Variants in E2F5 observed in about 807,000 individuals in gnomAD.
The protein encoded by E2F5 is transcription factor E2F5.
A neutral mutation model predicts 39.1 loss-of-function variants in E2F5; 23 were observed. The observed-to-expected ratio is 0.59, with a 90% CI of 0.42 to 0.83. E2F5 has a LOEUF of 0.83. Among genes scored for constraint, E2F5 ranks in the 40% least tolerant of loss-of-function variants. The pLI is 0.00. For missense variants in E2F5, 365 were observed against 406.7 expected, an observed-to-expected ratio of 0.90 and a Z score of 0.88; for synonymous variants, 145 against 157.8, an observed-to-expected ratio of 0.92 and a Z score of 0.61.
chr8:85,212,042 A>T, intron 6 of E2F5, 115 bp from the exon 7 acceptor site: 1 of 764,242 alleles, frequency 1.3e-6, no homozygotes, highest in Non-Finnish European at 2.2e-6. Context: ...ACAAAGTACT[A>T]GTACTTTAAA....
intron 1 of E2F5, among the ~76,000 whole-genome samples, chr8:85,191,126 A>G (rs1330569632): frequency 6.6e-6 from 1 of 150,864 alleles, no homozygotes; most frequent in Non-Finnish European, 1.5e-5. Flanking sequence ...TTCAACCATT[A>G]AAAAAAAAGG....
At chr8:85,208,029 G>A (rs1292286810) in intron 5 of E2F5, among the ~76,000 whole-genome samples, 1 of 152,138 alleles carries the variant, frequency 6.6e-6, no homozygotes, top group Non-Finnish European at 1.5e-5. Context: ...ATAAAAATAA[G>A]TTAAAATGAC....
intron 6 of E2F5, 75 bp from the exon 7 acceptor site, chr8:85,212,082 G>GT (rs758658729): frequency 2.2e-4 from 249 of 1,141,998 alleles, no homozygotes; most frequent in Non-Finnish European, 3.0e-4. Flanking sequence ...AGCTGCTGCT[G>GT]TGACTACTTG....
intron 1 of E2F5, chr8:85,201,909 T>G: frequency 2.0e-6 from 1 of 511,828 alleles, no homozygotes; most frequent in Non-Finnish European, 3.4e-6. Flanking sequence ...TTGCAGGCTT[T>G]GTGTCATGAC....
intron 2 of E2F5, among the ~76,000 whole-genome samples, chr8:85,202,814 C>CTT (rs1360975270): frequency 6.6e-6 from 1 of 152,136 alleles, no homozygotes; most frequent in African/African-American, 2.4e-5. Flanking sequence ...TGAGCACACT[C>CTT]TTTTGGTACC....
chr8:85,190,745 C>G (rs970718370), intron 1 of E2F5, among the ~76,000 whole-genome samples: 1 of 152,004 alleles, frequency 6.6e-6, no homozygotes, highest in Admixed American at 6.6e-5. Flanking sequence ...CTCAAGTGAT[C>G]TGCCCGCCTC....
chr8:85,185,195 C>G (rs577993658), intron 1 of E2F5, among the ~76,000 whole-genome samples: 1 of 152,072 alleles, frequency 6.6e-6, no homozygotes, highest in Non-Finnish European at 1.5e-5. Flanking sequence ...ACAGAGGCCT[C>G]GGAAATAAAC....
intron 4 of E2F5, 79 bp downstream of exon 4, chr8:85,206,299 T>C: frequency 7.4e-7 from 1 of 1,353,884 alleles, no homozygotes. Flanking sequence ...CCCTGTGTCC[T>C]CATCCTGTCA....
rs751320238 is a variant in E2F5 at position 85,202,222 on chromosome 8, A to G, written c.310A>G (p.Ile104Val). Residue 104 changes from isoleucine to valine, a missense_variant, in exon 2 of 8, where the codon ATT becomes GTT. Ile to Val is a conservative substitution (Grantham distance 29). Transcript: ENST00000416274. ...ITNVLEGIDL[I>V]EKKSKNSIQW... ...CAATGTCTTAGAGGGAATTGACTTG[A>G]TTGAAAAAAAGTCAAAAAACAGTAT... 1 of 1,612,006 alleles carries G rather than the reference A, an allele frequency of 6.2e-7. No homozygotes were observed. The highest frequency in any genetic ancestry group is 1.1e-5 in the South Asian group (1 of 90,436).
chr8:85,196,879 A>G (rs954944992), intron 1 of E2F5, among the ~76,000 whole-genome samples: 1 of 152,254 alleles, frequency 6.6e-6, no homozygotes, highest in Non-Finnish European at 1.5e-5. Flanking sequence ...AATTATCTTT[A>G]ACAGTGTTTA....
At chr8:85,185,155 C>G (rs1045393967) in intron 1 of E2F5, among the ~76,000 whole-genome samples, 6 of 151,942 alleles carry the variant, frequency 3.9e-5, no homozygotes, top group African/African-American at 1.5e-4. Flanking sequence ...GTATTGGTAC[C>G]AAAACAGATA....
At chr8:85,179,114 A>G (rs995592538) in intron 1 of E2F5, among the ~76,000 whole-genome samples, 10 of 152,128 alleles carry the variant, frequency 6.6e-5, no homozygotes, top group African/African-American at 2.4e-4. Context: ...ATTAAAATGG[A>G]TTCTGTTTAA....
chr8:85,198,041 C>T (rs146036101), intron 1 of E2F5, among the ~76,000 whole-genome samples: 221 of 152,260 alleles, frequency 1.5e-3, no homozygotes, highest in African/African-American at 5.0e-3. Flanking sequence ...CCTTTCTCCC[C>T]GATCCCAGTG....
At chr8:85,205,299 G>A (rs988784260) in intron 3 of E2F5, among the ~76,000 whole-genome samples, 1 of 151,128 alleles carries the variant, frequency 6.6e-6, no homozygotes, top group Non-Finnish European at 1.5e-5. Flanking sequence ...GCAGTGATGC[G>A]ATCTTGGCTC....
At chr8:85,200,447 C>A (rs952179213) in intron 1 of E2F5, 7 of 379,088 alleles carry the variant, frequency 1.8e-5, no homozygotes, top group African/African-American at 2.2e-5. Flanking sequence ...AAACAAGACA[C>A]CTTTTTAAAA....
Position 85,213,929 on chromosome 8 carries a change from T to A in E2F5, c.*67T>A. 1 of 893,162 alleles carries A rather than the reference T, an allele frequency of 1.1e-6. No homozygotes were observed. Among genetic ancestry groups the A allele is most frequent in the Non-Finnish European group, 1.8e-6 (1 of 558,766 alleles). 55.3% of individuals were successfully genotyped at this position (893,162 alleles called of 1,614,324 possible). Reference sequence around the variant, plus strand: ...TAACATTTTAGACTTCTTAATAACCTAAATATTTAAAATAATGAATGTAAC... The same window carrying A: ...TAACATTTTAGACTTCTTAATAACCAAAATATTTAAAATAATGAATGTAAC... On this transcript the variant is annotated 3_prime_UTR_variant, in exon 8 of 8. Transcript: ENST00000416274.
chr8:85,193,547 T>G (rs1273931055), intron 1 of E2F5, among the ~76,000 whole-genome samples: 1 of 152,150 alleles, frequency 6.6e-6, no homozygotes, highest in Non-Finnish European at 1.5e-5. Context: ...TTTTGATAAA[T>G]ACTTGTACCT....
At chr8:85,204,281 C>T (rs1355435279) in intron 3 of E2F5, among the ~76,000 whole-genome samples, 3 of 152,008 alleles carry the variant, frequency 2.0e-5, no homozygotes, top group Non-Finnish European at 4.4e-5. Flanking sequence ...ATAAAGTTTT[C>T]TGTATATTAT....
intron 1 of E2F5, among the ~76,000 whole-genome samples, chr8:85,187,464 T>G (rs1043369358): frequency 1.1e-4 from 16 of 152,186 alleles, no homozygotes; most frequent in African/African-American, 3.9e-4. Flanking sequence ...TATATTTAGG[T>G]GCTGCTATAT....
Sources: gnomAD v4.1 joint callset for allele counts (sites outside exome capture counted in the v4.1 genomes callset) on GRCh38, gnomAD v4.1.1 for gene constraint, MANE v1.5 for transcripts, NCBI Gene and HGNC (gene_info 2026-07-23, HGNC 2026-07-21) for gene names.